Variants in ZMYM1 observed in about 807,000 individuals in gnomAD.
ZMYM1 encodes the protein zinc finger MYM-type protein 1.
Under a neutral mutation model 60.0 loss-of-function variants are expected in ZMYM1, and 39 were observed. The ratio of observed to expected loss-of-function variants is 0.65; its 90% CI spans 0.50 to 0.85. ZMYM1 has a LOEUF of 0.85. Ranked by LOEUF, ZMYM1 falls within the 40% of genes least tolerant of loss-of-function variation. The pLI is 0.00. For synonymous variants in ZMYM1, 413 were observed against 454.0 expected, an observed-to-expected ratio of 0.91 and a Z score of 1.15; for missense variants, 1,171 against 1,309.5, an observed-to-expected ratio of 0.89 and a Z score of 1.63.
At position 35,094,079 on chromosome 1, in the gene ZMYM1, C is replaced by G; in HGVS notation, c.92C>G (p.Ala31Gly). The G allele has an allele frequency of 5.0e-6, 8 of 1,608,004 alleles. No homozygotes were observed. The highest frequency in any genetic ancestry group is 6.8e-6 in the Non-Finnish European group (8 of 1,177,292). The change falls in exon 2 of 10, where the codon GCT (alanine) becomes GGT (glycine). Residue 31 changes from alanine (A) to glycine (G), a missense_variant. Coordinates refer to ENST00000359858, the MANE Select transcript of ZMYM1 (RefSeq NM_024772.5). ...LDEIKTEPDN[A>G]QEYCHRQQSR... ...GAAATTAAGACAGAACCCGACAATG[C>G]TCAAGTAAATATTTTCCCTTATTTC...
At position 35,110,931 on chromosome 1, in the gene ZMYM1, C is replaced by T. The variant is rs535280297; in HGVS notation, c.961+484C>T. On this transcript the variant is annotated intron_variant, in intron 7 of 9. Coordinates refer to ENST00000359858, the MANE Select transcript of ZMYM1 (RefSeq NM_024772.5). ...TCTGGGTGACAGAGTGAGACTCCAT[C>T]TCAAAAATAATAATAATAAAAATTA... 7.9e-5 allele frequency among the ~76,000 whole-genome samples: 12 copies of T among 151,894 alleles called. No individual in the cohort carries two copies. In the South Asian group the frequency reaches 2.3e-3, roughly 29 times the overall value.
At chr1:35,090,911 A>G (rs1191392013) in intron 1 of ZMYM1, among the ~76,000 whole-genome samples, 1 of 151,798 alleles carries the variant, frequency 6.6e-6, no homozygotes, top group African/African-American at 2.4e-5. Flanking sequence ...GCGCCATTGC[A>G]CTCCATCCTG....
rs1370083165 is a variant in ZMYM1 at position 35,079,395 on chromosome 1, C to A, written c.-122C>A. On this transcript the variant is annotated 5_prime_UTR_variant, in exon 1 of 10. Transcript: ENST00000359858. ...CGGGGTCGGCGGGGCCGTTTCGCTTCGAAGATTGTTTCAGAAGCGTTGGGC... is the reference window on the plus strand; with the variant it reads ...CGGGGTCGGCGGGGCCGTTTCGCTTAGAAGATTGTTTCAGAAGCGTTGGGC... 2 of 137,166 alleles carry A rather than the reference C, an allele frequency of 1.5e-5. No individual in the cohort carries two copies. Among genetic ancestry groups the A allele is most frequent in the Admixed American group, 7.7e-5 (1 of 12,934 alleles). 8.5% of individuals were successfully genotyped at this position (137,166 alleles called of 1,614,324 possible). A position where few individuals can be genotyped will look rare whatever the true frequency, so the allele number is the denominator to read the frequency against.
intron 1 of ZMYM1, among the ~76,000 whole-genome samples, chr1:35,069,668 A>G (rs145448143): frequency 8.5e-5 from 13 of 152,278 alleles, no homozygotes; most frequent in African/African-American, 3.1e-4. Flanking sequence ...GCCCAGTCCA[A>G]TGTTATTAAG....
intron 8 of ZMYM1, 42 bp downstream of exon 8, chr1:35,111,954 G>T (rs1644102854): frequency 6.4e-7 from 1 of 1,558,728 alleles, no homozygotes; most frequent in Non-Finnish European, 8.7e-7. Flanking sequence ...ATATTGTTTT[G>T]TCATACTTGA....
intron 1 of ZMYM1, among the ~76,000 whole-genome samples, chr1:35,088,450 ATATATGTGTGTG>A (rs1379718839): frequency 1.3e-4 from 13 of 104,000 alleles, no homozygotes; most frequent in African/African-American, 4.4e-4. Flanking sequence ...ATATATATAT[ATATATGTGTGTG>A]TGTGTGTGTG....
intron 1 of ZMYM1, among the ~76,000 whole-genome samples, chr1:35,072,111 G>A (rs1642078298): frequency 6.6e-6 from 1 of 152,174 alleles, no homozygotes; most frequent in Non-Finnish European, 1.5e-5. Flanking sequence ...TCCAGCCTGG[G>A]CAATAAGAGA....
chr1:35,112,597 ATATT>A, intron 9 of ZMYM1, among the ~76,000 whole-genome samples: 1 of 146,270 alleles, frequency 6.8e-6, no homozygotes, highest in East Asian at 2.0e-4. Flanking sequence ...TATTTATTAT[ATATT>A]ATATTTATAT....
intron 1 of ZMYM1, among the ~76,000 whole-genome samples, chr1:35,092,953 T>C (rs972075100): frequency 1.3e-5 from 2 of 151,356 alleles, no homozygotes; most frequent in African/African-American, 4.9e-5. Context: ...AAGCCAGGAG[T>C]TCAAGATCAT....
At chr1:35,090,634 T>G (rs1410195979) in intron 1 of ZMYM1, among the ~76,000 whole-genome samples, 1 of 152,196 alleles carries the variant, frequency 6.6e-6, no homozygotes, top group Non-Finnish European at 1.5e-5. Context: ...GGCAGGCATG[T>G]GTGATGGGAA....
At chr1:35,079,090 GT>G (rs1642232489), upstream of ZMYM1, 1 of 152,072 alleles carries the variant, frequency 6.6e-6, no homozygotes, top group Non-Finnish European at 1.5e-5. Context: ...TATAGAAGTT[GT>G]CAAATCGCTT....
chr1:35,112,897 T>G (rs572574482), intron 9 of ZMYM1, 80 bp from the exon 10 acceptor site: 3 of 1,250,820 alleles, frequency 2.4e-6, no homozygotes, highest in Non-Finnish European at 3.1e-6. Flanking sequence ...TATTTTACTA[T>G]GTTATTAGAG....
In ZMYM1 at chr1:35,095,890, T is replaced by C. The variant is rs780235584; in HGVS notation, c.168T>C (p.Ser56=). 1.2e-4 allele frequency: 185 copies of C among 1,602,232 alleles called. No homozygotes were observed. The highest frequency in any genetic ancestry group is 1.5e-4 in the Non-Finnish European group (178 of 1,171,172). ...AAATAAATGCTGTGTTTTCAGAGAG[T>C]GGTAATAGAATTATTTAAGTTAGTT... ...ELKINAVFSE[S]ASQLTAGIQL... Residue 56 remains serine, a splice_region_variant and synonymous_variant, in exon 3 of 10, where the codon AGT becomes AGC. Transcript: ENST00000359858.
chr1:35,071,796 A>C (rs1205041035), intron 1 of ZMYM1, among the ~76,000 whole-genome samples: 2 of 152,200 alleles, frequency 1.3e-5, no homozygotes, highest in Non-Finnish European at 2.9e-5. Flanking sequence ...ATTTTCAGGA[A>C]TGGTTTGAGA....
At chr1:35,071,221 G>C (rs1316681815) in intron 1 of ZMYM1, among the ~76,000 whole-genome samples, 6 of 151,950 alleles carry the variant, frequency 3.9e-5, no homozygotes, top group African/African-American at 1.5e-4. Flanking sequence ...ATATTGATGT[G>C]AATATGTCGA....
Position 35,112,867 on chromosome 1 carries a change from C to T in ZMYM1, c.1147-110C>T, listed in dbSNP as rs1327349578. On this transcript the variant is annotated intron_variant, in intron 9 of 9. Coordinates refer to ENST00000359858, the MANE Select transcript of ZMYM1 (RefSeq NM_024772.5). ...GTTAACGTTTCCCCCTAGTGGAGCT[C>T]ATACTGTAACTCAGCCATTTATTTT... 4.1e-6 allele frequency: 4 copies of T among 979,538 alleles called. No homozygotes were observed. The Admixed American group carries it at 1.1e-4, about 28-fold the overall frequency. 60.7% of individuals were successfully genotyped at this position (979,538 alleles called of 1,614,324 possible).
At chr1:35,099,842 G>A (rs1367019560) in intron 4 of ZMYM1, among the ~76,000 whole-genome samples, 5 of 152,116 alleles carry the variant, frequency 3.3e-5, no homozygotes, top group Admixed American at 1.3e-4. Flanking sequence ...CGGGATTACA[G>A]GTGTGAGCCA....
rs1356796618 is a variant in ZMYM1 at position 35,104,364 on chromosome 1, C to T, written c.489C>T (p.Cys163=). ...LEDTTSCKTF[C]SLSCLSSYEE... is the part of the protein sequence containing the mutation. Reference sequence around the variant, plus strand: ...ACACTACCTCTTGCAAAACTTTTTGCAGCCTATCTTGTCTTTCATCATATG... The same window carrying T: ...ACACTACCTCTTGCAAAACTTTTTGTAGCCTATCTTGTCTTTCATCATATG... The change falls in exon 5 of 10, where the codon TGC becomes TGT. Residue 163 remains cysteine, a synonymous_variant. Coordinates refer to ENST00000359858, the MANE Select transcript of ZMYM1 (RefSeq NM_024772.5). 1.2e-6 allele frequency: 2 copies of T among 1,612,020 alleles called. No individual in the cohort carries two copies. Among genetic ancestry groups the T allele is most frequent in the African/African-American group, 1.3e-5 (1 of 74,776 alleles).
chr1:35,114,270 C>T lies in ZMYM1; in HGVS notation c.2440C>T (p.Arg814Cys). 3.1e-6 allele frequency: 5 copies of T among 1,613,728 alleles called. No individual in the cohort carries two copies. The highest frequency in any genetic ancestry group is 4.2e-6 in the Non-Finnish European group (5 of 1,179,830). Residue 814 changes from arginine (R) to cysteine (C), a missense_variant, in exon 10 of 10, where the codon CGT becomes TGT. By Grantham distance (180) the Arg-to-Cys change is radical (BLOSUM62 -3). Transcript: ENST00000359858. ...ISQSCWTVHD[R>C]TLLSVIDSLP... The stretch of plus-strand genomic sequence containing the variant: ...ACAATCATGTTGGACAGTCCATGAT[C>T]GTACATTACTATCTGTGATTGACAG...
Sources: gnomAD v4.1 joint callset for allele counts (sites outside exome capture counted in the v4.1 genomes callset) on GRCh38, gnomAD v4.1.1 for gene constraint, MANE v1.5 for transcripts, NCBI Gene and HGNC (gene_info 2026-07-23, HGNC 2026-07-21) for gene names.